Variants in ASCC3 observed in about 807,000 individuals in gnomAD.
The protein encoded by ASCC3 is ASC-1 complex subunit P200.
Under a neutral mutation model 256.3 loss-of-function variants are expected in ASCC3, and 158 were observed. The observed-to-expected ratio is 0.62, with a 90% CI of 0.54 to 0.70. The LOEUF is 0.70. Ranked by LOEUF, ASCC3 falls within the 30% of genes least tolerant of loss-of-function variation. The pLI is 0.00. For missense variants in ASCC3, 2,259 were observed against 2,626.0 expected, an observed-to-expected ratio of 0.86 and a Z score of 3.05; for synonymous variants, 948 against 883.4, an observed-to-expected ratio of 1.07 and a Z score of -1.30.
intron 33 of ASCC3, among the ~76,000 whole-genome samples, chr6:100,603,930 T>C (rs974178282): frequency 5.3e-5 from 8 of 152,102 alleles, no homozygotes; most frequent in Admixed American, 1.3e-4. Flanking sequence ...GGTATCCAAG[T>C]TGTTCTGGTG....
intron 10 of ASCC3, among the ~76,000 whole-genome samples, chr6:100,730,407 G>T (rs1031421378): frequency 2.0e-5 from 3 of 150,312 alleles, no homozygotes; most frequent in Non-Finnish European, 4.5e-5. Flanking sequence ...AAAATGTTTG[G>T]AATCTATTAA....
intron 13 of ASCC3, among the ~76,000 whole-genome samples, chr6:100,683,352 G>C (rs934754579): frequency 9.9e-5 from 15 of 152,076 alleles, no homozygotes; most frequent in Non-Finnish European, 1.6e-4. Context: ...AGTCTTACTT[G>C]TCAACTTTTC....
chr6:100,795,506 A>G (rs1475338441), intron 8 of ASCC3, among the ~76,000 whole-genome samples: 1 of 152,140 alleles, frequency 6.6e-6, no homozygotes, highest in Non-Finnish European at 1.5e-5. Flanking sequence ...TCCAGGTAGA[A>G]AAGCCATAAA....
At chr6:100,670,514 T>A (rs1424451735) in intron 14 of ASCC3, among the ~76,000 whole-genome samples, 3 of 151,900 alleles carry the variant, frequency 2.0e-5, no homozygotes, top group Non-Finnish European at 4.4e-5. Context: ...GTTTAGGGAA[T>A]AATGACAAGG....
At chr6:100,800,172 C>CT in intron 6 of ASCC3, 128 bp downstream of exon 6, 1 of 984,914 alleles carries the variant, frequency 1.0e-6, no homozygotes, top group Non-Finnish European at 1.5e-6. Context: ...ATAAAACAAA[C>CT]TTCTATGAAG....
chr6:100,578,564 C>T (rs1771008955), intron 36 of ASCC3, among the ~76,000 whole-genome samples: 1 of 152,186 alleles, frequency 6.6e-6, no homozygotes, highest in African/African-American at 2.4e-5. Flanking sequence ...TGGCCTCCAA[C>T]TCCATCCATG....
Position 100,646,681 on chromosome 6 carries a change from C to T in ASCC3, c.3567G>A (p.Gln1189=). 3.1e-6 allele frequency: 5 copies of T among 1,613,742 alleles called. No individual in the cohort carries two copies. Among genetic ancestry groups the T allele is most frequent in the Non-Finnish European group, 4.2e-6 (5 of 1,179,714 alleles). The change falls in exon 22 of 42, where the codon CAG becomes CAA. Residue 1189 remains glutamine (Q), a synonymous_variant. Coordinates refer to ENST00000369162, the MANE Select transcript of ASCC3 (RefSeq NM_006828.4). ...IPSVMMEASI[Q]PITRTVLRVT... ...CTCGGAGGACAGTCCTTGTGATAGGCTGAATGGATGCTTCCATCATAACAG... is the reference window on the plus strand; with the variant it reads ...CTCGGAGGACAGTCCTTGTGATAGGTTGAATGGATGCTTCCATCATAACAG...
At chr6:100,727,465 CT>C (rs1262325792) in intron 10 of ASCC3, among the ~76,000 whole-genome samples, 4 of 151,938 alleles carry the variant, frequency 2.6e-5, no homozygotes, top group African/African-American at 4.8e-5. Flanking sequence ...ACATTTGGTT[CT>C]TTTTTCCCCC....
At position 100,662,494 on chromosome 6, in the gene ASCC3, C is replaced by A. The variant is rs376452900; in HGVS notation, c.2329G>T (p.Asp777Tyr). The A allele has an allele frequency of 2.5e-6, 4 of 1,613,044 alleles. No homozygotes were observed. Among genetic ancestry groups the A allele is most frequent in the African/African-American group, 2.7e-5 (2 of 74,848 alleles). Reference sequence around the variant, plus strand: ...CCTGCATGATGAATACTAAAACCATCTGGGAATAATTCTCGTACTTGCTTA... The same window carrying A: ...CCTGCATGATGAATACTAAAACCATATGGGAATAATTCTCGTACTTGCTTA... Reference protein sequence around the residue: ...RNKQVRELFPDGFSIHHAGML... With the variant: ...RNKQVRELFPYGFSIHHAGML... The change falls in exon 15 of 42, where the codon GAT becomes TAT. Residue 777 changes from aspartate to tyrosine, a missense_variant. Around this residue, in one of 2 missense-constraint regions of ASCC3, gnomAD observed 1,839 missense variants for 2,206.7 expected, o/e 0.83. Transcript: ENST00000369162.
intron 5 of ASCC3, among the ~76,000 whole-genome samples, 169 bp from the exon 6 acceptor site, chr6:100,800,673 G>A (rs1216708916): frequency 6.6e-6 from 1 of 151,824 alleles, no homozygotes; most frequent in Non-Finnish European, 1.5e-5. Flanking sequence ...AAAAATCACA[G>A]TATCTAAATA....
At chr6:100,832,968 A>G (rs934437831) in intron 4 of ASCC3, among the ~76,000 whole-genome samples, 4 of 152,154 alleles carry the variant, frequency 2.6e-5, no homozygotes, top group African/African-American at 9.6e-5. Context: ...TATACTAGAA[A>G]AACAAAGAAG....
intron 13 of ASCC3, among the ~76,000 whole-genome samples, chr6:100,710,246 A>T (rs751340323): frequency 3.3e-5 from 5 of 152,178 alleles, no homozygotes; most frequent in South Asian, 2.1e-4. Context: ...GAGCTCATGG[A>T]TGGAAAAATA....
At chr6:100,612,026 T>G (rs1773424723) in intron 30 of ASCC3, among the ~76,000 whole-genome samples, 1 of 151,984 alleles carries the variant, frequency 6.6e-6, no homozygotes. Context: ...AATTATTCAA[T>G]ATTATACGTA....
intron 8 of ASCC3, among the ~76,000 whole-genome samples, chr6:100,783,994 A>G (rs1782574018): frequency 6.6e-6 from 1 of 152,202 alleles, no homozygotes; most frequent in Admixed American, 6.5e-5. Context: ...GAACTTAACC[A>G]GGATAAATGG....
intron 40 of ASCC3, among the ~76,000 whole-genome samples, chr6:100,510,823 T>C (rs2114599018): frequency 6.6e-6 from 1 of 152,344 alleles, no homozygotes; most frequent in East Asian, 1.9e-4. Context: ...CTAATGATTC[T>C]TTAAGACAAT....
At chr6:100,875,126 G>A (rs1167383987) in intron 1 of ASCC3, among the ~76,000 whole-genome samples, 1 of 151,890 alleles carries the variant, frequency 6.6e-6, no homozygotes, top group East Asian at 1.9e-4. Flanking sequence ...AAACCAGTTG[G>A]GAAGTTATTT....
chr6:100,512,666 T>C (rs367805069), intron 40 of ASCC3, 43 bp downstream of exon 40: 2 of 1,576,192 alleles, frequency 1.3e-6, no homozygotes, highest in African/African-American at 2.7e-5. Context: ...TGCATGCTGG[T>C]ATTTGGTGTG....
intron 36 of ASCC3, among the ~76,000 whole-genome samples, chr6:100,584,551 G>C (rs1002961258): frequency 6.6e-6 from 1 of 152,104 alleles, no homozygotes; most frequent in Non-Finnish European, 1.5e-5. Context: ...TTGCCAGTCT[G>C]TCTCTTTAAT....
intron 4 of ASCC3, among the ~76,000 whole-genome samples, chr6:100,823,021 A>AT (rs1313019057): frequency 2.0e-5 from 3 of 152,202 alleles, no homozygotes; most frequent in East Asian, 1.9e-4. Flanking sequence ...AAAGCACATT[A>AT]TTTTTTAAAA....
Sources: allele counts gnomAD v4.1 joint callset (sites outside exome capture counted in the v4.1 genomes callset), GRCh38; gene constraint gnomAD v4.1.1; regional missense constraint gnomAD v4.1.1; transcripts MANE v1.5; gene names NCBI Gene and HGNC (gene_info 2026-07-23, HGNC 2026-07-21).